MEGF6: variants seen among roughly 807,000 people sequenced by gnomAD.
The protein encoded by MEGF6 is multiple epidermal growth factor-like domains protein 6.
Under a neutral mutation model 207.1 loss-of-function variants are expected in MEGF6, and 184 were observed. The observed-to-expected ratio is 0.89, with a 90% CI of 0.79 to 1.00. MEGF6 has a LOEUF of 1.00. Ranked by LOEUF, MEGF6 falls within the 50% of genes least tolerant of loss-of-function variation. The pLI is 0.00. For missense variants in MEGF6, 2,282 were observed against 2,202.9 expected (o/e 1.04, Z -0.72); for synonymous variants, 1,038 against 910.0 (o/e 1.14, Z -2.53).
intron 4 of MEGF6, among the ~76,000 whole-genome samples, chr1:3,537,434 C>T (rs1163561310): frequency 6.6e-6 from 1 of 152,256 alleles, no homozygotes. Flanking sequence ...AGGTTACAGG[C>T]CCAGCAGGCA....
At chr1:3,607,678 T>C (rs570624889) in intron 1 of MEGF6, among the ~76,000 whole-genome samples, 5 of 152,272 alleles carry the variant, frequency 3.3e-5, no homozygotes, top group Admixed American at 2.0e-4. Context: ...CTGGTGACCT[T>C]TGACAGGACC....
chr1:3,623,936 G>T, the MEGF6 span, among the ~76,000 whole-genome samples: 3 of 152,138 alleles, frequency 2.0e-5, no homozygotes, highest in African/African-American at 4.8e-5. Context: ...CTTCCCTGGG[G>T]TCTCCCAGCT....
At chr1:3,521,189 C>A (rs1260528208) in intron 5 of MEGF6, among the ~76,000 whole-genome samples, 1 of 152,266 alleles carries the variant, frequency 6.6e-6, no homozygotes, top group East Asian at 1.9e-4. Flanking sequence ...CTGAGCAGCC[C>A]GCCCTCAACT....
At chr1:3,509,373 C>A (rs1641247186) in intron 11 of MEGF6, 128 bp from the exon 12 acceptor site, 1 of 727,302 alleles carries the variant, frequency 1.4e-6, no homozygotes, top group African/African-American at 1.9e-5. Flanking sequence ...GCCTCCACTA[C>A]CCCCACCTCC....
chr1:3,503,842 C>T (rs1166591471), intron 17 of MEGF6, among the ~76,000 whole-genome samples: 1 of 152,024 alleles, frequency 6.6e-6, no homozygotes, highest in Non-Finnish European at 1.5e-5. Flanking sequence ...AGCCCTAGGG[C>T]TTGTGCACAG....
chr1:3,522,634 T>C (rs1371545541), intron 5 of MEGF6, among the ~76,000 whole-genome samples: 1 of 151,938 alleles, frequency 6.6e-6, no homozygotes, highest in Non-Finnish European at 1.5e-5. Flanking sequence ...GGGGTGGTCC[T>C]TGTCCCTTTT....
chr1:3,513,442 G>A (rs1047620414), intron 7 of MEGF6, among the ~76,000 whole-genome samples: 2 of 151,820 alleles, frequency 1.3e-5, no homozygotes, highest in Middle Eastern at 3.4e-3. Context: ...CAGCTAGTTG[G>A]GTTTTCTTAT....
chr1:3,513,577 C>CTTTTTTTT (rs757815891), intron 7 of MEGF6, among the ~76,000 whole-genome samples: 1 of 56,540 alleles, frequency 1.8e-5, no homozygotes, highest in Non-Finnish European at 3.3e-5. Context: ...CACACCTGGG[C>CTTTTTTTT]TTTTTTTTTT....
At chr1:3,583,814 G>C (rs76615697) in intron 3 of MEGF6, among the ~76,000 whole-genome samples, 27 of 72,270 alleles carry the variant, frequency 3.7e-4, no homozygotes, top group South Asian at 1.0e-3. Context: ...ACCAGACAAC[G>C]CGCAGCCACC....
intron 4 of MEGF6, among the ~76,000 whole-genome samples, chr1:3,532,574 A>G (rs1006116336): frequency 1.3e-5 from 2 of 152,358 alleles, no homozygotes; most frequent in East Asian, 3.9e-4. Flanking sequence ...AATGCAGTGG[A>G]AGTGTCCCTG....
chr1:3,510,084 C>G, intron 10 of MEGF6, 92 bp from the exon 11 acceptor site: 1 of 1,457,062 alleles, frequency 6.9e-7, no homozygotes, highest in South Asian at 1.3e-5. Context: ...AGGACTGAAG[C>G]CCTGGTGGCC....
intron 4 of MEGF6, among the ~76,000 whole-genome samples, chr1:3,526,737 C>A (rs995867928): frequency 2.6e-5 from 4 of 152,180 alleles, no homozygotes; most frequent in African/African-American, 9.7e-5. Context: ...ACCCACCCTG[C>A]AGCCGGGTTC....
chr1:3,569,443 C>T (rs967359715), intron 4 of MEGF6, among the ~76,000 whole-genome samples: 2 of 152,260 alleles, frequency 1.3e-5, no homozygotes, highest in African/African-American at 4.8e-5. Flanking sequence ...GCCCCACACC[C>T]GGATGCCATG....
chr1:3,553,289 C>T (rs990874750), intron 4 of MEGF6, among the ~76,000 whole-genome samples: 5 of 152,072 alleles, frequency 3.3e-5, no homozygotes, highest in East Asian at 3.9e-4. Flanking sequence ...CAGGGTACTC[C>T]GGGTACCCTG....
At chr1:3,601,903 T>C (rs1017804594) in intron 2 of MEGF6, among the ~76,000 whole-genome samples, 1 of 152,222 alleles carries the variant, frequency 6.6e-6, no homozygotes, top group Non-Finnish European at 1.5e-5. Flanking sequence ...TCTCTGAGAA[T>C]GCGTTCCTGC....
At chr1:3,595,245 C>T (rs1419937773) in intron 3 of MEGF6, 93 bp downstream of exon 3, 13 of 839,058 alleles carry the variant, frequency 1.5e-5, no homozygotes, top group East Asian at 2.6e-5. Context: ...TGGGGAAGGG[C>T]GATCCCCACC....
At chr1:3,536,376 T>C (rs1002924017) in intron 4 of MEGF6, among the ~76,000 whole-genome samples, 1 of 152,134 alleles carries the variant, frequency 6.6e-6, no homozygotes, top group African/African-American at 2.4e-5. Context: ...GAGACGTCCG[T>C]CCAGGTCCCC....
chr1:3,589,876 CTG>C, intron 3 of MEGF6, among the ~76,000 whole-genome samples: 1 of 152,374 alleles, frequency 6.6e-6, no homozygotes, highest in Non-Finnish European at 1.5e-5. Context: ...CCTGTATAGT[CTG>C]TCTCAGGAAT....
rs113186132 is a variant in MEGF6 at position 3,560,001 on chromosome 1, G to A, written c.481+19824C>T. The stretch of plus-strand genomic sequence containing the variant: ...ACTCAGCCTGGGCAACAGTATGAGA[G>A]TCCGTCTCAAAATAAAAGAAAAAAA... On this transcript the variant is annotated intron_variant, in intron 4 of 36. Transcript: ENST00000356575. The surrounding 1 kb of genome is among the most constrained non-coding windows in gnomAD (Gnocchi z 4.0). Among the ~76,000 whole-genome samples, 837 of 143,274 alleles carry A rather than the reference G, an allele frequency of 5.8e-3. 7 individuals are homozygous for A. The highest frequency in any genetic ancestry group is 0.02 in the African/African-American group (768 of 38,804). 94.0% of individuals were successfully genotyped at this position (143,274 alleles called of 152,430 possible). A position where few individuals can be genotyped will look rare whatever the true frequency, so the allele number is the denominator to read the frequency against.
Sources: allele counts gnomAD v4.1 joint callset (sites outside exome capture counted in the v4.1 genomes callset), GRCh38; gene constraint gnomAD v4.1.1; non-coding constraint Gnocchi (gnomAD v3.1); transcripts MANE v1.5; gene names NCBI Gene and HGNC (gene_info 2026-07-23, HGNC 2026-07-21).